The following C3orf20 variants were observed in gnomAD, a reference collection of about 807,000 sequenced individuals.
C3orf20 encodes uncharacterized protein C3orf20.
Under a neutral mutation model 88.3 loss-of-function variants are expected in C3orf20, and 76 were observed. That is an observed-to-expected ratio of 0.86 (90% CI 0.72 to 1.04). The LOEUF is 1.04. C3orf20 is among the 50% of genes least tolerant of loss of function. C3orf20 has a pLI of 0.00. For synonymous variants in C3orf20, 436 were observed against 437.4 expected, an observed-to-expected ratio of 1.00 and a Z score of 0.04; for missense variants, 1,056 against 1,123.3, an observed-to-expected ratio of 0.94 and a Z score of 0.86.
chr3:14,726,784 T>A (rs1372979113), intron 10 of C3orf20, 117 bp from the exon 11 acceptor site: 4 of 1,404,734 alleles, frequency 2.8e-6, no homozygotes, highest in Non-Finnish European at 3.9e-6. Context: ...CAGGTAGGGG[T>A]AGGGGGGCAG....
In C3orf20 at chr3:14,719,620, G is replaced by C. The variant is rs147851957; in HGVS notation, c.1435-2033G>C. Among the ~76,000 whole-genome samples, 416 of 152,274 alleles carry C rather than the reference G, an allele frequency of 2.7e-3. 2 individuals are homozygous for C. The highest frequency in any genetic ancestry group is 9.3e-3 in the African/African-American group (388 of 41,564). Reference sequence around the variant, plus strand: ...AGAGACTGGGGATAATGGATATAATGGGCTGGCTAATGAACTCTCAAGAAG... The same window carrying C: ...AGAGACTGGGGATAATGGATATAATCGGCTGGCTAATGAACTCTCAAGAAG... On this transcript the variant is annotated intron_variant, in intron 9 of 16. Transcript: ENST00000253697.
intron 10 of C3orf20, among the ~76,000 whole-genome samples, chr3:14,726,500 A>G (rs2034351886): frequency 6.6e-6 from 1 of 152,200 alleles, no homozygotes; most frequent in Admixed American, 6.5e-5. Context: ...TTTACTGAGC[A>G]CCTGCATGAC....
At chr3:14,734,549 G>GA (rs528535013) in intron 12 of C3orf20, among the ~76,000 whole-genome samples, 102 of 152,152 alleles carry the variant, frequency 6.7e-4, no homozygotes, top group African/African-American at 2.3e-3. Flanking sequence ...TGTGGTCAGA[G>GA]AAAAAACTGC....
intron 5 of C3orf20, among the ~76,000 whole-genome samples, chr3:14,699,774 G>A (rs2033170444): frequency 6.6e-6 from 1 of 152,216 alleles, no homozygotes; most frequent in South Asian, 2.1e-4. Flanking sequence ...TGTCTCAGTA[G>A]GTTGCATGCC....
At chr3:14,704,246 G>C in intron 6 of C3orf20, 91 bp from the exon 7 acceptor site, 6 of 1,320,006 alleles carry the variant, frequency 4.5e-6, no homozygotes, top group Non-Finnish European at 6.4e-6. Flanking sequence ...AATGGGATAG[G>C]GGTCTTGGGC....
At chr3:14,707,692 A>G (rs945415544) in intron 7 of C3orf20, among the ~76,000 whole-genome samples, 1 of 152,136 alleles carries the variant, frequency 6.6e-6, no homozygotes, top group African/African-American at 2.4e-5. Context: ...CATTTAATGC[A>G]CAAAAACTTT....
intron 9 of C3orf20, 69 bp from the exon 10 acceptor site, chr3:14,721,584 G>A: frequency 6.3e-7 from 1 of 1,580,072 alleles, no homozygotes; most frequent in Non-Finnish European, 8.6e-7. Flanking sequence ...GTGCTTCGTG[G>A]TGGGTCAGGA....
chr3:14,754,555 G>C (rs555878902), intron 12 of C3orf20, among the ~76,000 whole-genome samples: 1 of 152,256 alleles, frequency 6.6e-6, no homozygotes, highest in South Asian at 2.1e-4. Context: ...TCTGGTTGTT[G>C]CAAGTTTTTT....
At chr3:14,721,066 G>A (rs1299652374) in intron 9 of C3orf20, among the ~76,000 whole-genome samples, 1 of 152,234 alleles carries the variant, frequency 6.6e-6, no homozygotes, top group African/African-American at 2.4e-5. Context: ...ATGATAAAGA[G>A]TAGCTGCCCC....
intron 4 of C3orf20, 71 bp downstream of exon 4, chr3:14,684,453 A>G: frequency 1.9e-6 from 3 of 1,557,032 alleles, no homozygotes; most frequent in Non-Finnish European, 2.6e-6. Context: ...TGGAAAGGCA[A>G]AACCCCCAGT....
rs537064638 is a variant in C3orf20, at chr3:14,715,327, C to T, written c.1352C>T (p.Thr451Ile). ...YVLILDEEGG[T>I]TNDQQGYVVH... ...TTAATCTTGGATGAGGAAGGTGGGA[C>T]CACCAATGACCAGCAGGGCTATGTA... Residue 451 changes from threonine to isoleucine, a missense_variant, in exon 9 of 17, where the codon ACC becomes ATC. Thr to Ile is a moderately conservative substitution (Grantham distance 89, BLOSUM62 -1). Coordinates refer to ENST00000253697, the MANE Select transcript of C3orf20 (RefSeq NM_032137.5). The T allele has an allele frequency of 1.4e-5, 22 of 1,612,432 alleles. No individual in the cohort carries two copies. In the South Asian group the frequency reaches 2.0e-4, roughly 15 times the overall value.
At chr3:14,752,068 C>G (rs950360667) in intron 12 of C3orf20, among the ~76,000 whole-genome samples, 2 of 152,186 alleles carry the variant, frequency 1.3e-5, no homozygotes, top group Non-Finnish European at 2.9e-5. Flanking sequence ...ATCACACTAC[C>G]TGACTTCAAA....
chr3:14,768,861 C>T lies in C3orf20; in HGVS notation c.2496-3206C>T, dbSNP rs545591468. Among the ~76,000 whole-genome samples, 128 of 152,050 alleles carry T rather than the reference C, an allele frequency of 8.4e-4. 1 individual carries two copies. Among genetic ancestry groups the T allele is most frequent in the African/African-American group, 3.0e-3 (123 of 41,400 alleles). ...AGGGACTGGCCTGTTGCAAAGCCCC[C>T]GATGGTCTTTTTTGCTTATCCCTGA... On this transcript the variant is annotated intron_variant, in intron 15 of 16. Coordinates refer to ENST00000253697, the MANE Select transcript of C3orf20 (RefSeq NM_032137.5). This position sits in a 1 kb window ranked among gnomAD's most constrained non-coding sequence, Gnocchi z 4.1.
intron 12 of C3orf20, among the ~76,000 whole-genome samples, chr3:14,753,534 T>C (rs2035277228): frequency 2.0e-5 from 3 of 152,224 alleles, no homozygotes. Flanking sequence ...CTTTGTCTAG[T>C]AAGTCCAATA....
In C3orf20 at chr3:14,772,642, G is replaced by A. The variant is rs999911604; in HGVS notation, c.2631-149G>A. The A allele has an allele frequency of 6.4e-6, 4 of 628,988 alleles. No homozygotes were observed. In the African/African-American group the frequency reaches 7.4e-5, roughly 12 times the overall value. 39.0% of individuals were successfully genotyped at this position (628,988 alleles called of 1,614,324 possible). A position where few individuals can be genotyped will look rare whatever the true frequency, so the allele number is the denominator to read the frequency against. On this transcript the variant is annotated intron_variant, in intron 16 of 16. Coordinates refer to ENST00000253697, the MANE Select transcript of C3orf20 (RefSeq NM_032137.5). This position sits in a 1 kb window ranked among gnomAD's most constrained non-coding sequence, Gnocchi z 4.2. ...AGGAGCATGTAGAAAGGTCGCAGGT[G>A]CCACCGGGGCCCTCTGGTTGGAACA...
chr3:14,698,182 T>C (rs937811983), intron 5 of C3orf20, among the ~76,000 whole-genome samples: 7 of 152,072 alleles, frequency 4.6e-5, no homozygotes, highest in African/African-American at 1.7e-4. Context: ...ATTCTTTCTC[T>C]GTGTTATCTT....
At chr3:14,713,926 C>T (rs2033842608) in intron 7 of C3orf20, 81 bp from the exon 8 acceptor site, 2 of 1,486,438 alleles carry the variant, frequency 1.3e-6, no homozygotes, top group Non-Finnish European at 1.9e-6. Flanking sequence ...AACACTTTGA[C>T]ATGTGGACTT....
At chr3:14,706,310 C>T (rs764000598) in intron 7 of C3orf20, among the ~76,000 whole-genome samples, 5 of 151,954 alleles carry the variant, frequency 3.3e-5, no homozygotes, top group Non-Finnish European at 5.9e-5. Context: ...CTTCGAGAGC[C>T]GCTGCTGCTT....
chr3:14,685,803 C>A (rs1270518279), intron 4 of C3orf20, among the ~76,000 whole-genome samples: 1 of 147,888 alleles, frequency 6.8e-6, no homozygotes, highest in Non-Finnish European at 1.5e-5. Flanking sequence ...TTTTTTCATT[C>A]AGCATATAAT....
Sources: allele counts gnomAD v4.1 joint callset (sites outside exome capture counted in the v4.1 genomes callset), GRCh38; gene constraint gnomAD v4.1.1; non-coding constraint Gnocchi (gnomAD v3.1); transcripts MANE v1.5; gene names NCBI Gene and HGNC (gene_info 2026-07-23, HGNC 2026-07-21).